The following BTF3 variants were observed in gnomAD, a reference collection of about 807,000 sequenced individuals.
The protein encoded by BTF3 is basic transcription factor 3.
In BTF3, 12 loss-of-function variants were observed where a neutral mutation model predicts 23.9. That is an observed-to-expected ratio of 0.50 (90% CI 0.32 to 0.81). The LOEUF (loss-of-function observed/expected upper bound fraction) is 0.81. BTF3 is among the 40% of genes least tolerant of loss of function. The probability of loss-of-function intolerance (pLI) is 0.03; values close to 1 mark genes in which losing one functional copy is unlikely to be tolerated. For synonymous variants in BTF3, 96 were observed against 94.8 expected (o/e 1.01, Z -0.07); for missense variants, 215 against 255.9 (o/e 0.84, Z 1.09).
intron 2 of BTF3, among the ~76,000 whole-genome samples, chr5:73,501,894 G>A (rs114923998): frequency 0.013 from 2,033 of 152,166 alleles, 32 homozygotes; most frequent in African/African-American, 0.044. Context: ...GGGGTCAGGC[G>A]CGGTGGCTCA....
Position 73,499,462 on chromosome 5 carries a change from C to A in BTF3, c.201+260C>A. The A allele has an allele frequency of 7.5e-6, 4 of 535,346 alleles. 1 individual carries two copies. The highest frequency in any genetic ancestry group is 7.4e-5 in the South Asian group (4 of 54,314). The allele number at this position is 535,346 out of a possible 1,614,324, so 33.2% of individuals were successfully genotyped here. A position where few individuals can be genotyped will look rare whatever the true frequency, so the allele number is the denominator to read the frequency against. ...TGTAAGTAGAACACAAAAGTGTTTC[C>A]TAATTTAATTAGTAAGGAAAATGTG... On this transcript the variant is annotated intron_variant, in intron 2 of 5. Transcript: ENST00000380591.
At chr5:73,504,255 A>G (rs1292878317) in intron 4 of BTF3, 92 bp from the exon 5 acceptor site, 14 of 789,050 alleles carry the variant, frequency 1.8e-5, no homozygotes, top group Non-Finnish European at 2.5e-5. Context: ...AACACTTGGC[A>G]TTTCATCTGT....
chr5:73,499,332 G>A, intron 2 of BTF3, 130 bp downstream of exon 2: 1 of 1,014,808 alleles, frequency 9.9e-7, no homozygotes, highest in Non-Finnish European at 1.5e-6. Context: ...CACGGAGCTA[G>A]CAAATCTCGA....
intron 2 of BTF3, among the ~76,000 whole-genome samples, chr5:73,501,451 A>C (rs1194600665): frequency 6.6e-6 from 1 of 152,232 alleles, no homozygotes; most frequent in Non-Finnish European, 1.5e-5. Context: ...ATGAAGAGAA[A>C]TAAACCAGGA....
Position 73,498,514 on chromosome 5 carries a change from C to T in BTF3, c.-154C>T, listed in dbSNP as rs182910846. 2 of 1,180,358 alleles carry T rather than the reference C, an allele frequency of 1.7e-6. No individual in the cohort carries two copies. Among genetic ancestry groups the T allele is most frequent in the African/African-American group, 1.6e-5 (1 of 61,534 alleles). 73.1% of individuals were successfully genotyped at this position (1,180,358 alleles called of 1,614,324 possible). Reference sequence around the variant, plus strand: ...GGTGGTCCACCCGAGACCCCTTGAGCACCAACCCTAGTCCCCCGCGCGGCC... The same window carrying T: ...GGTGGTCCACCCGAGACCCCTTGAGTACCAACCCTAGTCCCCCGCGCGGCC... On this transcript the variant is annotated 5_prime_UTR_variant, in exon 1 of 6. Transcript: ENST00000380591.
At chr5:73,499,754 AG>A (rs1258440587) in intron 2 of BTF3, 2 of 165,262 alleles carry the variant, frequency 1.2e-5, no homozygotes, top group African/African-American at 4.8e-5. Context: ...TGTAAAAATG[AG>A]GGAATTAAAG....
Position 73,503,148 on chromosome 5 carries a change from A to T in BTF3, c.517+31A>T, listed in dbSNP as rs568426738. ...TTTCCTAGTAATGGTTTTACCAGGG[A>T]ATTACTCATTTAGCAGCTGATTTCT... is the stretch of plus-strand genomic sequence containing the variant. On this transcript the variant is annotated intron_variant, in intron 4 of 5. Transcript: ENST00000380591. 15 of 1,602,798 alleles carry T rather than the reference A, an allele frequency of 9.4e-6. No individual in the cohort carries two copies. In the South Asian group the frequency reaches 9.9e-5, roughly 11 times the overall value.
Position 73,498,734 on chromosome 5 carries a change from C to G in BTF3, c.67C>G (p.Pro23Ala). ...RGRGRARGGC[P>A]GGEATLSQPP... ...GCGAGGTCGAGCCAGGGGCGGCTGC[C>G]CTGGGGGCGAGGCGACGCTGTCTCA... Residue 23 changes from proline to alanine, a missense_variant, in exon 1 of 6, where the codon CCT (proline) becomes GCT (alanine). Physicochemically the swap from Pro to Ala is conservative, Grantham distance 27. Transcript: ENST00000380591. The G allele has an allele frequency of 1.3e-6, 2 of 1,490,174 alleles. No individual in the cohort carries two copies. The highest frequency in any genetic ancestry group is 5.5e-5 in the Admixed American group (2 of 36,486). The allele number at this position is 1,490,174 out of a possible 1,614,324, so 92.3% of individuals were successfully genotyped here. A position where few individuals can be genotyped will look rare whatever the true frequency, so the allele number is the denominator to read the frequency against.
chr5:73,499,180 C>G lies in BTF3; in HGVS notation c.179C>G (p.Ala60Gly), dbSNP rs750408507. The G allele has an allele frequency of 6.2e-7, 1 of 1,612,862 alleles. No individual in the cohort carries two copies. Residue 60 changes from alanine to glycine, a missense_variant, in exon 2 of 6, where the codon GCA becomes GGA. Coordinates refer to ENST00000380591, the MANE Select transcript of BTF3 (RefSeq NM_001037637.2). The part of the protein sequence containing the change: ...MNQEKLAKLQ[A>G]QVRIGGKGTA... ...CAGGAAAAACTCGCCAAACTGCAGG[C>G]ACAAGTGCGCATTGGTGGGAAAGTA... is the stretch of plus-strand genomic sequence containing the variant.
chr5:73,505,075 G>GAC, intron 5 of BTF3, 117 bp from the exon 6 acceptor site: 1 of 715,206 alleles, frequency 1.4e-6, no homozygotes, highest in Non-Finnish European at 2.3e-6. Context: ...TTGGGGCTAT[G>GAC]ACACAGTATT....
At position 73,498,709 on chromosome 5, in the gene BTF3, G is replaced by GCGAGGT. The variant is rs1746342974; in HGVS notation, c.47_52dup (p.Gly16_Arg17dup). 3 of 1,489,306 alleles carry GCGAGGT rather than the reference G, an allele frequency of 2.0e-6. No homozygotes were observed. Among genetic ancestry groups the GCGAGGT allele is most frequent in the Non-Finnish European group, 2.7e-6 (3 of 1,129,628 alleles). 92.3% of individuals were successfully genotyped at this position (1,489,306 alleles called of 1,614,324 possible). ...CACCCGCTCAGGCTGACTCTCGGGG[G>GCGAGGT]CGAGGTCGAGCCAGGGGCGGCTGCC... On this transcript the variant is annotated inframe_insertion, in exon 1 of 6. Coordinates refer to ENST00000380591, the MANE Select transcript of BTF3 (RefSeq NM_001037637.2).
In BTF3 at chr5:73,503,050, C is replaced by T. The variant is rs1746475857; in HGVS notation, c.450C>T (p.Ile150=). Residue 150 remains isoleucine, a synonymous_variant, in exon 4 of 6, where the codon ATC becomes ATT. Transcript: ENST00000380591. ...AGCTGACAGAAATGCTACCCAGCAT[C>T]TTAAACCAGCTTGGTGCGGATAGTC... ...TKQLTEMLPS[I]LNQLGADSLT... 6.2e-7 allele frequency: 1 copy of T among 1,614,062 alleles called. No individual in the cohort carries two copies. Among genetic ancestry groups the T allele is most frequent in the Non-Finnish European group, 8.5e-7 (1 of 1,179,970 alleles).
chr5:73,501,935 A>G (rs1207281934), intron 2 of BTF3, among the ~76,000 whole-genome samples: 1 of 152,110 alleles, frequency 6.6e-6, no homozygotes, highest in African/African-American at 2.4e-5. Flanking sequence ...TGGGAGGCCG[A>G]GGCAGGCGGA....
intron 2 of BTF3, among the ~76,000 whole-genome samples, chr5:73,501,997 A>G (rs1184264695): frequency 1.3e-5 from 2 of 151,998 alleles, no homozygotes; most frequent in Non-Finnish European, 2.9e-5. Flanking sequence ...GTGAAACCCC[A>G]TCTCTGCTAA....
intron 2 of BTF3, 118 bp from the exon 3 acceptor site, chr5:73,502,370 A>G: frequency 1.5e-6 from 1 of 661,460 alleles, no homozygotes; most frequent in Non-Finnish European, 2.4e-6. Context: ...GTTTATGATT[A>G]TGGTAATGTT....
chr5:73,498,806 C>A lies in BTF3; in HGVS notation c.132+7C>A. On this transcript the variant is annotated splice_region_variant and intron_variant, in intron 1 of 5. Coordinates refer to ENST00000380591, the MANE Select transcript of BTF3 (RefSeq NM_001037637.2). Reference sequence around the variant, plus strand: ...CCGAGGACAGGAGCCTCAGGTACCGCGAGGCTTGCGGAGAGTGGCCGGGCC... The same window carrying A: ...CCGAGGACAGGAGCCTCAGGTACCGAGAGGCTTGCGGAGAGTGGCCGGGCC... The A allele has an allele frequency of 6.7e-7, 1 of 1,503,580 alleles. No homozygotes were observed. 93.1% of individuals were successfully genotyped at this position (1,503,580 alleles called of 1,614,324 possible).
intron 1 of BTF3, 60 bp from the exon 2 acceptor site, chr5:73,499,074 G>C: frequency 6.7e-7 from 1 of 1,489,008 alleles, no homozygotes; most frequent in Non-Finnish European, 9.2e-7. Context: ...GGGAAATAAC[G>C]AGCATGGAAT....
At position 73,498,753 on chromosome 5, in the gene BTF3, T is replaced by A; in HGVS notation, c.86T>A (p.Leu29Gln). 1.3e-6 allele frequency: 2 copies of A among 1,494,602 alleles called. No individual in the cohort carries two copies. The highest frequency in any genetic ancestry group is 1.8e-6 in the Non-Finnish European group (2 of 1,132,482). 92.6% of individuals were successfully genotyped at this position (1,494,602 alleles called of 1,614,324 possible). The change falls in exon 1 of 6, where the codon CTG (leucine) becomes CAG (glutamine). Residue 29 changes from leucine (L) to glutamine (Q), a missense_variant. Transcript: ENST00000380591. ...GGCTGCCCTGGGGGCGAGGCGACGC[T>A]GTCTCAACCTCCACCTCGCGGCGGA... Reference protein sequence around the residue: ...RGGCPGGEATLSQPPPRGGTR... With the variant: ...RGGCPGGEATQSQPPPRGGTR...
At chr5:73,504,286 T>TTTTTTA in intron 4 of BTF3, 61 bp from the exon 5 acceptor site, 1 of 719,088 alleles carries the variant, frequency 1.4e-6, no homozygotes, top group Non-Finnish European at 2.1e-6. Flanking sequence ...TTTTTTTTTT[T>TTTTTTA]TTTTTTGGTG....
Sources: gnomAD v4.1 joint callset for allele counts (sites outside exome capture counted in the v4.1 genomes callset) on GRCh38, gnomAD v4.1.1 for gene constraint, MANE v1.5 for transcripts, NCBI Gene and HGNC (gene_info 2026-07-23, HGNC 2026-07-21) for gene names.